PLCL1: variants seen among roughly 807,000 people sequenced by gnomAD.
PLCL1 encodes the protein phospholipase C like 1 (inactive).
Under a neutral mutation model 84.4 loss-of-function variants are expected in PLCL1, and 41 were observed. The observed-to-expected ratio is 0.49, with a 90% CI of 0.38 to 0.63. The LOEUF is 0.63. Among genes scored for constraint, PLCL1 ranks in the 30% least tolerant of loss-of-function variants. The pLI is 0.00. For missense variants in PLCL1, 1,206 were observed against 1,367.8 expected, an observed-to-expected ratio of 0.88 and a Z score of 1.87; for synonymous variants, 490 against 488.3, an observed-to-expected ratio of 1.00 and a Z score of -0.05.
intron 1 of PLCL1, among the ~76,000 whole-genome samples, chr2:198,063,879 G>T (rs533578262): frequency 5.3e-5 from 8 of 152,172 alleles, no homozygotes; most frequent in Non-Finnish European, 1.0e-4. Flanking sequence ...TGGAGATAGT[G>T]TTCCCACAGA....
intron 1 of PLCL1, among the ~76,000 whole-genome samples, chr2:197,941,341 G>C (rs1236096060): frequency 6.6e-6 from 1 of 151,978 alleles, no homozygotes; most frequent in Admixed American, 6.6e-5. Flanking sequence ...GCCCAGCCTG[G>C]AGTGCAGTAG....
At chr2:198,000,924 G>A (rs1231164485) in intron 1 of PLCL1, among the ~76,000 whole-genome samples, 1 of 152,086 alleles carries the variant, frequency 6.6e-6, no homozygotes, top group African/African-American at 2.4e-5. Context: ...CTGTTAACGA[G>A]TCATCATGAC....
At chr2:198,071,876 C>T (rs1317311208) in intron 1 of PLCL1, among the ~76,000 whole-genome samples, 1 of 151,756 alleles carries the variant, frequency 6.6e-6, no homozygotes, top group Admixed American at 6.6e-5. Flanking sequence ...AATCTTTAAT[C>T]TATTTAAAAT....
intron 1 of PLCL1, among the ~76,000 whole-genome samples, chr2:197,883,437 C>T (rs1196170946): frequency 6.6e-6 from 1 of 152,100 alleles, no homozygotes; most frequent in East Asian, 1.9e-4. Context: ...CATCAATAAA[C>T]TGTGAAATGA....
At position 198,085,989 on chromosome 2, in the gene PLCL1, G is replaced by T. The variant is rs762712136; in HGVS notation, c.2472G>T (p.Arg824=). The change falls in exon 2 of 6, where the codon CGG becomes CGT. Residue 824 remains arginine (R), a synonymous_variant. Coordinates refer to ENST00000428675, the MANE Select transcript of PLCL1 (RefSeq NM_006226.4). This position sits in a 1 kb window ranked among gnomAD's most constrained non-coding sequence, Gnocchi z 5.3. ...TTGAATGTTTGCAGCCTGGATATCG[G>T]CATGTTCCCCTGCGTTCTTTTGTGG... The part of the protein sequence containing the change: ...IPFECLQPGY[R]HVPLRSFVGD... 2.5e-6 allele frequency: 4 copies of T among 1,614,076 alleles called. No homozygotes were observed. The highest frequency in any genetic ancestry group is 1.1e-5 in the South Asian group (1 of 91,082).
At chr2:197,952,128 C>T (rs887198571) in intron 1 of PLCL1, among the ~76,000 whole-genome samples, 1 of 152,104 alleles carries the variant, frequency 6.6e-6, no homozygotes, top group Non-Finnish European at 1.5e-5. Context: ...TATTTATTGG[C>T]AACATAATTT....
At chr2:197,864,931 T>C (rs1687501620) in intron 1 of PLCL1, among the ~76,000 whole-genome samples, 1 of 152,218 alleles carries the variant, frequency 6.6e-6, no homozygotes, top group South Asian at 2.1e-4. Flanking sequence ...ATGCTCTTAA[T>C]ACTAATTTCA....
intron 1 of PLCL1, among the ~76,000 whole-genome samples, chr2:198,036,566 T>C (rs971053446): frequency 1.3e-5 from 2 of 152,224 alleles, no homozygotes; most frequent in Non-Finnish European, 2.9e-5. Flanking sequence ...TTCTATATCA[T>C]AGAATGGATG....
chr2:198,135,498 C>A (rs1694234794), intron 5 of PLCL1, among the ~76,000 whole-genome samples: 1 of 152,142 alleles, frequency 6.6e-6, no homozygotes, highest in Admixed American at 6.6e-5. Context: ...GTTCTTTTGT[C>A]AAAATGACTG....
intron 4 of PLCL1, among the ~76,000 whole-genome samples, chr2:198,103,495 T>C (rs13397026): frequency 6.6e-6 from 1 of 151,964 alleles, no homozygotes; most frequent in Non-Finnish European, 1.5e-5. Flanking sequence ...TTGATTATAG[T>C]CATCTTGTTG....
At chr2:197,999,491 TTAAG>T (rs1458247962) in intron 1 of PLCL1, among the ~76,000 whole-genome samples, 27 of 152,354 alleles carry the variant, frequency 1.8e-4, no homozygotes, top group Non-Finnish European at 3.5e-4. Context: ...AGAAATAGGC[TTAAG>T]TGAGACTTGC....
intron 1 of PLCL1, among the ~76,000 whole-genome samples, chr2:197,999,844 G>A (rs79508374): frequency 0.23 from 35,260 of 151,944 alleles, 4,251 homozygotes; most frequent in African/African-American, 0.31. Flanking sequence ...TATGTAATAC[G>A]TATGTGTGTG....
intron 1 of PLCL1, among the ~76,000 whole-genome samples, chr2:197,975,325 C>T (rs1305322158): frequency 6.6e-6 from 1 of 152,050 alleles, no homozygotes; most frequent in Non-Finnish European, 1.5e-5. Flanking sequence ...CTTAAGGTGA[C>T]ATGGCTAGTA....
At chr2:197,960,906 C>T (rs899203972) in intron 1 of PLCL1, among the ~76,000 whole-genome samples, 14 of 151,944 alleles carry the variant, frequency 9.2e-5, no homozygotes, top group Admixed American at 2.0e-4. Flanking sequence ...AAAAGTAATT[C>T]GGTAATGTTA....
At chr2:197,819,925 T>C (rs183578298) in intron 1 of PLCL1, among the ~76,000 whole-genome samples, 1 of 151,284 alleles carries the variant, frequency 6.6e-6, no homozygotes, top group Non-Finnish European at 1.5e-5. Flanking sequence ...TGTGTGTATG[T>C]AGTAGGGTTG....
intron 1 of PLCL1, among the ~76,000 whole-genome samples, chr2:198,015,900 A>AT (rs1433314764): frequency 4.6e-5 from 7 of 152,218 alleles, no homozygotes; most frequent in Admixed American, 3.3e-4. Flanking sequence ...TGCATTAAAA[A>AT]ATATATATGA....
chr2:197,827,385 T>C lies in PLCL1; in HGVS notation c.240+22046T>C, dbSNP rs1690953781. ...ATATAAATATATATGTGTATATATA[T>C]ATATAGGCATAGTGCCCTGCTCATA... is the stretch of plus-strand genomic sequence containing the variant. On this transcript the variant is annotated intron_variant, in intron 1 of 5. Transcript: ENST00000428675. Among the ~76,000 whole-genome samples the C allele has an allele frequency of 2.0e-5, 3 of 152,118 alleles. No homozygotes were observed. The South Asian group carries it at 6.2e-4, about 31-fold the overall frequency.
chr2:197,975,817 C>T (rs558203766), intron 1 of PLCL1, among the ~76,000 whole-genome samples: 8 of 152,094 alleles, frequency 5.3e-5, no homozygotes, highest in African/African-American at 1.9e-4. Flanking sequence ...CTTTTCACCC[C>T]CATCCAACAA....
At chr2:198,124,225 C>T (rs1017025505) in intron 5 of PLCL1, among the ~76,000 whole-genome samples, 1 of 152,090 alleles carries the variant, frequency 6.6e-6, no homozygotes, top group Admixed American at 6.6e-5. Flanking sequence ...CCTTAACCAG[C>T]GTGATTAGAA....
Sources: gnomAD v4.1 joint callset for allele counts (sites outside exome capture counted in the v4.1 genomes callset) on GRCh38, gnomAD v4.1.1 for gene constraint, Gnocchi (gnomAD v3.1) non-coding constraint, MANE v1.5 for transcripts, NCBI Gene and HGNC (gene_info 2026-07-23, HGNC 2026-07-21) for gene names.